The following NTF3 variants were observed in gnomAD, a reference collection of about 807,000 sequenced individuals.
The protein encoded by NTF3 is neurotrophin-3.
Under a neutral mutation model 26.3 loss-of-function variants are expected in NTF3, and 8 were observed. The observed-to-expected ratio is 0.30, with a 90% CI of 0.18 to 0.55. The LOEUF (loss-of-function observed/expected upper bound fraction) is 0.55. Ranked by LOEUF, NTF3 falls within the 20% of genes least tolerant of loss-of-function variation. NTF3 has a pLI of 0.93. For missense variants in NTF3, 276 were observed against 352.9 expected (o/e 0.78, Z 1.75); for synonymous variants, 154 against 145.5 (o/e 1.06, Z -0.42).
chr12:5,495,089 T>C lies in NTF3; in HGVS notation c.*101T>C. On this transcript the variant is annotated 3_prime_UTR_variant, in exon 2 of 2. Transcript: ENST00000423158. ...GTTTTTATATATTATAAGTTGACCT[T>C]TATTTATTAAACTTCAGCAACCCTA... 1.5e-6 allele frequency: 2 copies of C among 1,293,148 alleles called. No homozygotes were observed. Among genetic ancestry groups the C allele is most frequent in the Non-Finnish European group, 2.1e-6 (2 of 938,840 alleles). The allele number at this position is 1,293,148 out of a possible 1,614,324, so 80.1% of individuals were successfully genotyped here.
intron 1 of NTF3, among the ~76,000 whole-genome samples, chr12:5,445,288 ATGTGTGTGTGTATGTGTGTGTG>A (rs1352822286): frequency 1.2e-4 from 12 of 101,576 alleles, no homozygotes; most frequent in South Asian, 3.8e-4. Flanking sequence ...GGATTAAATG[ATGTGTGTGTGTATGTGTGTGTG>A]TGTGTGTGTG....
At chr12:5,490,285 G>A (rs142218160) in intron 1 of NTF3, among the ~76,000 whole-genome samples, 3 of 152,200 alleles carry the variant, frequency 2.0e-5, no homozygotes, top group East Asian at 1.9e-4. Flanking sequence ...CGTAGCAGGC[G>A]CTCATTCAGT....
At position 5,433,903 on chromosome 12, in the gene NTF3, G is replaced by C. The variant is rs549533280; in HGVS notation, c.18+1561G>C. On this transcript the variant is annotated intron_variant, in intron 1 of 1. Coordinates refer to ENST00000423158, the MANE Select transcript of NTF3 (RefSeq NM_001102654.2). The surrounding 1 kb of genome is among the most constrained non-coding windows in gnomAD (Gnocchi z 4.6). ...GGGGTGGGTGTTTCTCCTGGAGCCT[G>C]ATGTTTGTAACTCAGCTGATTATGG... Among the ~76,000 whole-genome samples the C allele has an allele frequency of 1.3e-5, 2 of 152,294 alleles. No individual in the cohort carries two copies. The highest frequency in any genetic ancestry group is 4.1e-4 in the South Asian group (2 of 4,824).
intron 1 of NTF3, among the ~76,000 whole-genome samples, chr12:5,463,976 G>A (rs1940555054): frequency 1.3e-5 from 2 of 152,308 alleles, no homozygotes; most frequent in Admixed American, 6.5e-5. Context: ...GGAATAAAGT[G>A]GTATTTGTTT....
intron 1 of NTF3, among the ~76,000 whole-genome samples, chr12:5,449,994 C>T (rs930088100): frequency 1.2e-4 from 18 of 152,156 alleles, no homozygotes; most frequent in African/African-American, 4.3e-4. Flanking sequence ...CTGCCTTCCC[C>T]TGGAGAATCA....
chr12:5,432,406 G>T, intron 1 of NTF3, 64 bp downstream of exon 1: 1 of 1,578,248 alleles, frequency 6.3e-7, no homozygotes, highest in East Asian at 2.2e-5. Flanking sequence ...CGTGGGGAGG[G>T]ATTTTCCAGT....
intron 1 of NTF3, among the ~76,000 whole-genome samples, chr12:5,467,198 C>CTCT (rs1940601726): frequency 7.6e-6 from 1 of 132,108 alleles, no homozygotes; most frequent in Admixed American, 8.4e-5. Context: ...CACTGCACTC[C>CTCT]AACCTGTGCA....
In NTF3 at chr12:5,433,794, C is replaced by G. The variant is rs905554897; in HGVS notation, c.18+1452C>G. Among the ~76,000 whole-genome samples, 19 of 151,242 alleles carry G rather than the reference C, an allele frequency of 1.3e-4. No homozygotes were observed. Among genetic ancestry groups the G allele is most frequent in the Non-Finnish European group, 1.6e-4 (11 of 67,852 alleles). On this transcript the variant is annotated intron_variant, in intron 1 of 1. Transcript: ENST00000423158. The surrounding 1 kb of genome is among the most constrained non-coding windows in gnomAD (Gnocchi z 4.6). ...GCGCCGGGCTCAGAGCTAGAGAGCT[C>G]GGGAGACTGTGCGCCTGTGGACTTG...
chr12:5,433,680 C>T lies in NTF3; in HGVS notation c.18+1338C>T, dbSNP rs372205834. Reference sequence around the variant, plus strand: ...GGAATCGAGGCTGGGGTGGGATTGCCGGTGGGGGAAACACCGAAAAGATCG... The same window carrying T: ...GGAATCGAGGCTGGGGTGGGATTGCTGGTGGGGGAAACACCGAAAAGATCG... On this transcript the variant is annotated intron_variant, in intron 1 of 1. Transcript: ENST00000423158. This position sits in a 1 kb window ranked among gnomAD's most constrained non-coding sequence, Gnocchi z 4.6. 6.6e-5 allele frequency among the ~76,000 whole-genome samples: 10 copies of T among 152,034 alleles called. No individual in the cohort carries two copies. Among genetic ancestry groups the T allele is most frequent in the African/African-American group, 2.4e-4 (10 of 41,398 alleles).
intron 1 of NTF3, among the ~76,000 whole-genome samples, chr12:5,453,804 G>A (rs1940403907): frequency 6.6e-6 from 1 of 152,222 alleles, no homozygotes; most frequent in African/African-American, 2.4e-5. Flanking sequence ...TTTCTGAAGG[G>A]CTTAGTGAAG....
chr12:5,458,520 G>A (rs746267330), intron 1 of NTF3, among the ~76,000 whole-genome samples: 2 of 152,150 alleles, frequency 1.3e-5, no homozygotes, highest in Non-Finnish European at 2.9e-5. Context: ...CTTATAATAA[G>A]CAGCCAATAA....
At chr12:5,443,020 G>C (rs1940259045) in intron 1 of NTF3, among the ~76,000 whole-genome samples, 1 of 152,190 alleles carries the variant, frequency 6.6e-6, no homozygotes, top group African/African-American at 2.4e-5. Flanking sequence ...TTTGGAGGAA[G>C]GAGGAGCCCT....
intron 1 of NTF3, among the ~76,000 whole-genome samples, chr12:5,468,839 G>A (rs762892910): frequency 3.3e-5 from 5 of 152,164 alleles, no homozygotes; most frequent in Non-Finnish European, 2.9e-5. Flanking sequence ...CAGAGAAAGC[G>A]GCTGGGCATG....
chr12:5,492,931 C>T lies in NTF3; in HGVS notation c.19-1263C>T, dbSNP rs141364689. ...CCCCCTGGACTTAGTAAAGTCTTTC[C>T]GAAAATACCAAAGGTGAACCAGGGG... On this transcript the variant is annotated intron_variant, in intron 1 of 1. Transcript: ENST00000423158. 1.3e-4 allele frequency among the ~76,000 whole-genome samples: 20 copies of T among 152,236 alleles called. No homozygotes were observed. In the East Asian group the frequency reaches 3.9e-3, roughly 29 times the overall value.
At chr12:5,471,311 C>T (rs1294603104) in intron 1 of NTF3, among the ~76,000 whole-genome samples, 1 of 152,120 alleles carries the variant, frequency 6.6e-6, no homozygotes, top group African/African-American at 2.4e-5. Flanking sequence ...TTTTCCTTGT[C>T]GGGCTTTAGT....
chr12:5,462,815 T>C (rs17722632), intron 1 of NTF3, among the ~76,000 whole-genome samples: 34,789 of 152,190 alleles, frequency 0.23, 4,970 homozygotes, highest in Non-Finnish European at 0.32. Flanking sequence ...ATGGATGTTC[T>C]TTTTGCGCAC....
intron 1 of NTF3, among the ~76,000 whole-genome samples, chr12:5,469,056 G>A (rs1465176917): frequency 6.6e-6 from 1 of 152,042 alleles, no homozygotes; most frequent in Non-Finnish European, 1.5e-5. Flanking sequence ...AGGGGGTCGA[G>A]GCTGCAGTGA....
chr12:5,494,172 A>G lies in NTF3; in HGVS notation c.19-22A>G. On this transcript the variant is annotated intron_variant, in intron 1 of 1. Coordinates refer to ENST00000423158, the MANE Select transcript of NTF3 (RefSeq NM_001102654.2). The surrounding 1 kb of genome is among the most constrained non-coding windows in gnomAD (Gnocchi z 8.3). ...GACTCAGCTGCCAGAGCCTGCTCTT[A>G]ACACCTGTGTTTCCTTTTCAGATCT... 6.2e-7 allele frequency: 1 copy of G among 1,606,002 alleles called. No homozygotes were observed. Among genetic ancestry groups the G allele is most frequent in the Non-Finnish European group, 8.5e-7 (1 of 1,177,464 alleles).
chr12:5,461,452 C>T (rs1469120052), intron 1 of NTF3, among the ~76,000 whole-genome samples: 3 of 152,102 alleles, frequency 2.0e-5, no homozygotes, highest in Non-Finnish European at 2.9e-5. Flanking sequence ...GCTACATGGG[C>T]TGTTGGTCAT....
Sources: gnomAD v4.1 joint callset for allele counts (sites outside exome capture counted in the v4.1 genomes callset) on GRCh38, gnomAD v4.1.1 for gene constraint, Gnocchi (gnomAD v3.1) non-coding constraint, MANE v1.5 for transcripts, NCBI Gene and HGNC (gene_info 2026-07-23, HGNC 2026-07-21) for gene names.